The following TMEM51 variants were observed in gnomAD, a reference collection of about 807,000 sequenced individuals.
The protein encoded by TMEM51 is chromosome 1 open reading frame 72.
A neutral mutation model predicts 13.6 loss-of-function variants in TMEM51; 8 were observed. The ratio of observed to expected loss-of-function variants is 0.59; its 90% CI spans 0.35 to 1.07. The LOEUF (loss-of-function observed/expected upper bound fraction) is 1.07. Among genes scored for constraint, TMEM51 ranks in the 50% least tolerant of loss-of-function variants. The pLI is 0.02. For missense variants in TMEM51, 279 were observed against 330.7 expected (o/e 0.84, Z 1.21); for synonymous variants, 147 against 144.4 (o/e 1.02, Z -0.13).
intron 1 of TMEM51, among the ~76,000 whole-genome samples, chr1:15,196,554 A>G (rs914473405): frequency 2.7e-5 from 4 of 150,064 alleles, no homozygotes; most frequent in African/African-American, 7.6e-5. Context: ...GGGTCTTTCT[A>G]TGTTTCCTGG....
chr1:15,153,897 C>T lies in TMEM51; in HGVS notation c.-324C>T, dbSNP rs1164838979. 1 of 151,968 alleles carries T rather than the reference C, an allele frequency of 6.6e-6. No homozygotes were observed. The highest frequency in any genetic ancestry group is 1.5e-5 in the Non-Finnish European group (1 of 67,962). 9.4% of individuals were successfully genotyped at this position (151,968 alleles called of 1,614,324 possible). A position where few individuals can be genotyped will look rare whatever the true frequency, so the allele number is the denominator to read the frequency against. On this transcript the variant is annotated 5_prime_UTR_variant, in exon 1 of 4. Transcript: ENST00000376008. The stretch of plus-strand genomic sequence containing the variant: ...CCGCCCGGGTGGGGCGCGGGGGTCG[C>T]GAAGCCCGCAGTCCCGGACCGCCCA...
intron 1 of TMEM51, among the ~76,000 whole-genome samples, chr1:15,196,161 A>G (rs1350352823): frequency 1.3e-5 from 2 of 152,164 alleles, no homozygotes; most frequent in Non-Finnish European, 2.9e-5. Context: ...AGACTGCTGC[A>G]GTGGACAGCC....
At chr1:15,219,201 G>T in intron 3 of TMEM51, 125 bp from the exon 4 acceptor site, 1 of 964,256 alleles carries the variant, frequency 1.0e-6, no homozygotes, top group Non-Finnish European at 1.5e-6. Context: ...CACTTTTATT[G>T]CCTCTAAGAC....
intron 1 of TMEM51, among the ~76,000 whole-genome samples, chr1:15,172,458 GGA>G (rs1181179819): frequency 2.0e-5 from 3 of 149,486 alleles, no homozygotes; most frequent in Non-Finnish European, 3.0e-5. Flanking sequence ...AAGGAAGGAA[GGA>G]GAGAGAGAAA....
Position 15,155,993 on chromosome 1 carries a change from G to A in TMEM51, c.-267+2039G>A, listed in dbSNP as rs1198044947. 3.3e-5 allele frequency among the ~76,000 whole-genome samples: 5 copies of A among 152,278 alleles called. No individual in the cohort carries two copies. The East Asian group carries it at 9.7e-4, about 29-fold the overall frequency. ...GGAGAGAGAGGCTGGCCTGTGGGTTGGTGGGGGCAGTGGGAATGAATGGGG... is the reference window on the plus strand; with the variant it reads ...GGAGAGAGAGGCTGGCCTGTGGGTTAGTGGGGGCAGTGGGAATGAATGGGG... On this transcript the variant is annotated intron_variant, in intron 1 of 3. Transcript: ENST00000376008.
chr1:15,219,329 G>T lies in TMEM51; in HGVS notation c.348G>T (p.Gln116His). ...CTGTCTGTGTGTCTTCTTGCAGCCAGGAGGAAGAAGAGGAGGATGAGGAGG... is the reference window on the plus strand; with the variant it reads ...CTGTCTGTGTGTCTTCTTGCAGCCATGAGGAAGAAGAGGAGGATGAGGAGG... ...AGPHAQEEDS[Q>H]EEEEEDEEAA... The change falls in exon 4 of 4, where the codon CAG becomes CAT. Residue 116 changes from glutamine (Q) to histidine (H), a missense_variant. Physicochemically the swap from Gln to His is conservative, Grantham distance 24. Coordinates refer to ENST00000376008, the MANE Select transcript of TMEM51 (RefSeq NM_001136218.2). 1 of 1,574,734 alleles carries T rather than the reference G, an allele frequency of 6.4e-7. No homozygotes were observed. Among genetic ancestry groups the T allele is most frequent in the Non-Finnish European group, 8.6e-7 (1 of 1,158,676 alleles).
chr1:15,198,310 G>C (rs1644090514), intron 1 of TMEM51, among the ~76,000 whole-genome samples: 2 of 152,224 alleles, frequency 1.3e-5, no homozygotes. Context: ...CTGCCTAAGA[G>C]GCTGGGTACT....
chr1:15,208,094 C>A (rs890972599), intron 1 of TMEM51, among the ~76,000 whole-genome samples: 1 of 152,176 alleles, frequency 6.6e-6, no homozygotes, highest in African/African-American at 2.4e-5. Context: ...CAGACAAGAA[C>A]CGTGTTTCAG....
At chr1:15,183,757 A>G (rs1266621248) in intron 1 of TMEM51, among the ~76,000 whole-genome samples, 1 of 152,242 alleles carries the variant, frequency 6.6e-6, no homozygotes, top group African/African-American at 2.4e-5. Context: ...AGATGATTAC[A>G]TGTTGTGGTC....
intron 1 of TMEM51, among the ~76,000 whole-genome samples, chr1:15,164,152 C>T (rs897446984): frequency 6.6e-6 from 1 of 151,938 alleles, no homozygotes; most frequent in Non-Finnish European, 1.5e-5. Flanking sequence ...CTTACATAAT[C>T]GTATTATACT....
At chr1:15,202,182 C>A (rs1644168735) in intron 1 of TMEM51, among the ~76,000 whole-genome samples, 1 of 152,142 alleles carries the variant, frequency 6.6e-6, no homozygotes, top group Non-Finnish European at 1.5e-5. Flanking sequence ...TAGAGGAGCA[C>A]CGCCATGCCA....
Position 15,219,481 on chromosome 1 carries a change from TCGA to T in TMEM51, c.504_506del (p.Asp168del). On this transcript the variant is annotated inframe_deletion, in exon 4 of 4. Coordinates refer to ENST00000376008, the MANE Select transcript of TMEM51 (RefSeq NM_001136218.2). ...CCGTCCTATGAGTCACTGACGGGGC[TCGA>T]CGAGACCACCCCCACATCCACCAGG... 2 of 1,614,002 alleles carry T rather than the reference TCGA, an allele frequency of 1.2e-6. No individual in the cohort carries two copies. The highest frequency in any genetic ancestry group is 2.2e-5 in the South Asian group (2 of 91,076).
chr1:15,218,888 A>C (rs1275445596), intron 3 of TMEM51, among the ~76,000 whole-genome samples: 1 of 152,196 alleles, frequency 6.6e-6, no homozygotes, highest in Non-Finnish European at 1.5e-5. Flanking sequence ...AGTGGGTATA[A>C]ATACAATTTC....
At chr1:15,214,109 C>T (rs1644386061) in intron 2 of TMEM51, among the ~76,000 whole-genome samples, 1 of 151,738 alleles carries the variant, frequency 6.6e-6, no homozygotes, top group African/African-American at 2.4e-5. Context: ...CCTCGGCCTC[C>T]CCAAGTGCTG....
upstream of TMEM51, among the ~76,000 whole-genome samples, chr1:15,153,389 T>TCA (rs962176953): frequency 2.6e-5 from 4 of 151,946 alleles, no homozygotes; most frequent in Non-Finnish European, 4.4e-5. Flanking sequence ...CCACCACCCG[T>TCA]CACACACACG....
chr1:15,215,126 G>A lies in TMEM51; in HGVS notation c.39G>A (p.Ala13=), dbSNP rs145640227. The change falls in exon 3 of 4, where the codon GCG becomes GCA. Residue 13 remains alanine (A), a synonymous_variant. Coordinates refer to ENST00000376008, the MANE Select transcript of TMEM51 (RefSeq NM_001136218.2). ...AQSKANGSHY[A]LTAIGLGMLV... ...CCAAGGCCAATGGCTCGCACTATGC[G>A]CTGACCGCCATCGGCCTGGGGATGC... 41 of 1,613,810 alleles carry A rather than the reference G, an allele frequency of 2.5e-5. No individual in the cohort carries two copies. Among genetic ancestry groups the A allele is most frequent in the Admixed American group, 1.0e-4 (6 of 60,012 alleles).
chr1:15,211,203 A>C (rs542868288), intron 2 of TMEM51, among the ~76,000 whole-genome samples: 1 of 152,316 alleles, frequency 6.6e-6, no homozygotes, highest in South Asian at 2.1e-4. Context: ...AGTGTTTCTC[A>C]ACCTTTTCCG....
intron 1 of TMEM51, among the ~76,000 whole-genome samples, chr1:15,163,827 T>TTG (rs1455619676): frequency 5.9e-4 from 31 of 52,204 alleles, no homozygotes; most frequent in African/African-American, 1.9e-3. Flanking sequence ...TGGCTTTTTT[T>TTG]GGGGGGGGGG....
At chr1:15,173,410 G>A (rs7514581) in intron 1 of TMEM51, among the ~76,000 whole-genome samples, 4,297 of 151,602 alleles carry the variant, frequency 0.028, 194 homozygotes, top group African/African-American at 0.099. Context: ...TAGTAGAGAC[G>A]GGGTTTCACC....
Sources: allele counts gnomAD v4.1 joint callset (sites outside exome capture counted in the v4.1 genomes callset), GRCh38; gene constraint gnomAD v4.1.1; transcripts MANE v1.5; gene names NCBI Gene and HGNC (gene_info 2026-07-23, HGNC 2026-07-21).